The following ANO7 variants were observed in gnomAD, a reference collection of about 807,000 sequenced individuals.
ANO7 encodes anoctamin 7, also known as anoctamin-7.
A neutral mutation model predicts 115.8 loss-of-function variants in ANO7; 114 were observed. The ratio of observed to expected loss-of-function variants is 0.98; its 90% CI spans 0.85 to 1.15. ANO7 has a LOEUF of 1.15. ANO7 is among the 50% of genes most tolerant of loss of function. ANO7 has a pLI of 0.00. For synonymous variants in ANO7, 550 were observed against 498.2 expected (o/e 1.10, Z -1.38); for missense variants, 1,302 against 1,201.2 (o/e 1.08, Z -1.24).
Position 241,200,154 on chromosome 2 carries a change from C to A in ANO7, c.483C>A (p.Val161=), listed in dbSNP as rs193092398. The change falls in exon 6 of 25, where the codon GTC becomes GTA. Residue 161 remains valine (V), a synonymous_variant. Coordinates refer to ENST00000674324, the MANE Select transcript of ANO7 (RefSeq NM_001370694.2). ...TGGCATGGCTGGGCATCCCCAACGT[C>A]CTGCTGGAGGTTGTGCCAGACGTAC... The part of the protein sequence containing the change: ...GLLAWLGIPN[V]LLEVVPDVPP... The A allele has an allele frequency of 1.2e-6, 2 of 1,613,262 alleles. No homozygotes were observed. Among genetic ancestry groups the A allele is most frequent in the Admixed American group, 3.3e-5 (2 of 60,012 alleles).
chr2:241,220,493 T>G (rs775937372), intron 21 of ANO7, among the ~76,000 whole-genome samples: 1 of 151,932 alleles, frequency 6.6e-6, no homozygotes, highest in Non-Finnish European at 1.5e-5. Flanking sequence ...GGTCAGGAGT[T>G]CGAGACCAGC....
Position 241,223,898 on chromosome 2 carries a change from G to C in ANO7, c.2533-7G>C, listed in dbSNP as rs2069088933. On this transcript the variant is annotated splice_polypyrimidine_tract_variant and splice_region_variant and intron_variant, in intron 23 of 24. Transcript: ENST00000674324. ...CTCTTCCTCTTGCTGCCCTTTTTTGGGGACAGGTTCTTTTTGGAACGAACG... is the reference window on the plus strand; with the variant it reads ...CTCTTCCTCTTGCTGCCCTTTTTTGCGGACAGGTTCTTTTTGGAACGAACG... 6.2e-7 allele frequency: 1 copy of C among 1,613,948 alleles called. No homozygotes were observed. The highest frequency in any genetic ancestry group is 8.5e-7 in the Non-Finnish European group (1 of 1,179,984).
chr2:241,229,481 G>C (rs1398865051), downstream of ANO7: 3 of 748,884 alleles, frequency 4.0e-6, no homozygotes, highest in Non-Finnish European at 6.6e-6. Context: ...CGGGACCTCG[G>C]GAAGGGGGAA....
At chr2:241,235,354 C>T in the ANO7 span, 179 of 1,556,558 alleles carry the variant, frequency 1.1e-4, no homozygotes, top group Middle Eastern at 3.4e-4. Context: ...GAAGGCCACC[C>T]GCCGTGAAGG....
In ANO7 at chr2:241,216,152, C is replaced by T. The variant is rs761987652; in HGVS notation, c.1886C>T (p.Ala629Val). Residue 629 changes from alanine to valine, a missense_variant, in exon 19 of 25, where the codon GCT becomes GTT. Coordinates refer to ENST00000674324, the MANE Select transcript of ANO7 (RefSeq NM_001370694.2). ...CGCTCCAAGAAGAGGAAGGCGGGAGCTTCTGCAGGGGCTAGCCAGGGGCCC... is the reference window on the plus strand; with the variant it reads ...CGCTCCAAGAAGAGGAAGGCGGGAGTTTCTGCAGGGGCTAGCCAGGGGCCC... The part of the protein sequence containing the change: ...RLRSKKRKAG[A>V]SAGASQGPWE... 3.1e-6 allele frequency: 5 copies of T among 1,613,404 alleles called. No individual in the cohort carries two copies. Among genetic ancestry groups the T allele is most frequent in the Non-Finnish European group, 3.4e-6 (4 of 1,179,906 alleles).
At chr2:241,201,172 C>G (rs1387753503) in intron 6 of ANO7, 126 bp from the exon 7 acceptor site, 2 of 1,102,686 alleles carry the variant, frequency 1.8e-6, no homozygotes, top group Non-Finnish European at 2.5e-6. Context: ...CTTCTGCGTG[C>G]GCGCCAGCAC....
chr2:241,230,304 C>T (rs748705699), downstream of ANO7: 12 of 1,271,500 alleles, frequency 9.4e-6, no homozygotes, highest in African/African-American at 1.8e-4. The surrounding 1 kb of genome is among the most constrained non-coding windows in gnomAD (Gnocchi z 5.0). Flanking sequence ...TGAGGGGACT[C>T]CAAGCGAGGA....
At chr2:241,205,096 T>C (rs1384800894) in intron 10 of ANO7, 141 bp downstream of exon 10, 1 of 684,344 alleles carries the variant, frequency 1.5e-6, no homozygotes. Context: ...CACATGCCTG[T>C]CTTCAGGAGT....
chr2:241,236,388 C>T, the ANO7 span: 5 of 566,582 alleles, frequency 8.8e-6, no homozygotes, highest in Admixed American at 1.6e-4. Flanking sequence ...TGCAGCTGTC[C>T]CAGAAAGGGG....
chr2:241,218,923 GT>G (rs2068939564), intron 21 of ANO7, among the ~76,000 whole-genome samples: 1 of 152,240 alleles, frequency 6.6e-6, no homozygotes, highest in African/African-American at 2.4e-5. Flanking sequence ...AACACCAGTA[GT>G]TTTGGTCAGG....
At chr2:241,230,760 T>C (rs372823425), downstream of ANO7, 7 of 1,613,608 alleles carry the variant, frequency 4.3e-6, no homozygotes, top group East Asian at 2.2e-5. This position sits in a 1 kb window ranked among gnomAD's most constrained non-coding sequence, Gnocchi z 5.0. Flanking sequence ...CCGGCTCACC[T>C]TGAATTCGTC....
rs777858959 is a variant in ANO7, at chr2:241,207,565, G to C, written c.981-9G>C. ...ATTAGCTCCCACCCCTCCGCTCCAT[G>C]CCTTGCAGGCAGGAACTGTGTGGCA... is the stretch of plus-strand genomic sequence containing the variant. On this transcript the variant is annotated splice_polypyrimidine_tract_variant and intron_variant, in intron 10 of 24. Transcript: ENST00000674324. The C allele has an allele frequency of 2.5e-6, 4 of 1,612,178 alleles. No individual in the cohort carries two copies. The Admixed American group carries it at 6.7e-5, about 27-fold the overall frequency.
intron 21 of ANO7, among the ~76,000 whole-genome samples, chr2:241,219,731 CT>C (rs11299376): frequency 0.53 from 60,122 of 113,716 alleles, 13,905 homozygotes; most frequent in East Asian, 0.84. Flanking sequence ...CCAGGCCTGG[CT>C]TTTTTTTTTT....
At chr2:241,239,473 C>T in the ANO7 span, 7 of 707,462 alleles carry the variant, frequency 9.9e-6, no homozygotes, top group Non-Finnish European at 1.7e-5. This position sits in a 1 kb window ranked among gnomAD's most constrained non-coding sequence, Gnocchi z 4.6. Context: ...ACCAGAAAGC[C>T]CCTTCTGAAG....
At position 241,203,322 on chromosome 2, in the gene ANO7, C is replaced by T. The variant is rs1179530; in HGVS notation, c.724-11C>T. 366 of 1,515,086 alleles carry T rather than the reference C, an allele frequency of 2.4e-4. No homozygotes were observed. Among genetic ancestry groups the T allele is most frequent in the Non-Finnish European group, 3.0e-4 (337 of 1,132,548 alleles). The allele number at this position is 1,515,086 out of a possible 1,614,324, so 93.9% of individuals were successfully genotyped here. ...GGGGGAGCCTCCCACCCACAGGCCG[C>T]TCGCCCCCAGGGCCCCTTCAAGACG... On this transcript the variant is annotated splice_polypyrimidine_tract_variant and intron_variant, in intron 8 of 24. Transcript: ENST00000674324. This position sits in a 1 kb window ranked among gnomAD's most constrained non-coding sequence, Gnocchi z 4.8.
downstream of ANO7, chr2:241,230,142 C>T (rs1559469401): frequency 6.2e-7 from 1 of 1,607,056 alleles, no homozygotes; most frequent in African/African-American, 1.3e-5. This position sits in a 1 kb window ranked among gnomAD's most constrained non-coding sequence, Gnocchi z 5.0. Flanking sequence ...CCAAGGCCCA[C>T]AGAGACTCAC....
the ANO7 span, chr2:241,240,060 G>C: frequency 1.9e-6 from 3 of 1,614,186 alleles, no homozygotes; most frequent in Middle Eastern, 1.6e-4. This position sits in a 1 kb window ranked among gnomAD's most constrained non-coding sequence, Gnocchi z 5.5. Context: ...CGCCCCCCTT[G>C]CCGATGAGGA....
chr2:241,235,542 T>TA, the ANO7 span: 1 of 1,614,030 alleles, frequency 6.2e-7, no homozygotes. Context: ...CCCAATAACG[T>TA]AACGGTGAAG....
chr2:241,189,502 G>A (rs758936361), intron 1 of ANO7, among the ~76,000 whole-genome samples: 22 of 152,098 alleles, frequency 1.4e-4, no homozygotes, highest in Non-Finnish European at 2.2e-4. Context: ...AGAGACCCCC[G>A]GGGCGAAGGT....
Sources: gnomAD v4.1 joint callset for allele counts (sites outside exome capture counted in the v4.1 genomes callset) on GRCh38, gnomAD v4.1.1 for gene constraint, Gnocchi (gnomAD v3.1) non-coding constraint, MANE v1.5 for transcripts, NCBI Gene and HGNC (gene_info 2026-07-23, HGNC 2026-07-21) for gene names.